The following SMC6 variants were observed in gnomAD, a reference collection of about 807,000 sequenced individuals.
SMC6 encodes the protein structural maintenance of chromosomes 6, also known as structural maintenance of chromosomes protein 6.
SMC6 carries 79 observed loss-of-function variants against 142.2 expected under a neutral mutation model. The ratio of observed to expected loss-of-function variants is 0.56; its 90% CI spans 0.46 to 0.67. The LOEUF (loss-of-function observed/expected upper bound fraction) is 0.67. SMC6 is among the 30% of genes least tolerant of loss of function. The pLI is 0.00. For missense variants in SMC6, 1,072 were observed against 1,284.0 expected, an observed-to-expected ratio of 0.83 and a Z score of 2.52; for synonymous variants, 411 against 412.4, an observed-to-expected ratio of 1.00 and a Z score of 0.04.
intron 23 of SMC6, among the ~76,000 whole-genome samples, chr2:17,689,802 G>T (rs1667621853): frequency 6.6e-6 from 1 of 152,164 alleles, no homozygotes; most frequent in African/African-American, 2.4e-5. Context: ...CAATGTAAAT[G>T]CTATGTAAAT....
rs1303046068 is a variant in SMC6 at position 17,716,229 on chromosome 2, T to C, written c.1382A>G (p.Tyr461Cys). The C allele has an allele frequency of 6.2e-7, 1 of 1,612,144 alleles. No individual in the cohort carries two copies. Among genetic ancestry groups the C allele is most frequent in the Non-Finnish European group, 8.5e-7 (1 of 1,179,444 alleles). ...CAATTCTTTCAGTTGCCTCTGATTG[T>C]AGCTCAGTGCATGCTTCACATCTAA... Reference protein sequence around the residue: ...EELDVKHALSYNQRQLKELKD... With the variant: ...EELDVKHALSCNQRQLKELKD... Residue 461 changes from tyrosine to cysteine, a missense_variant, in exon 15 of 28, where the codon TAC becomes TGC. Around this residue, in one of 3 missense-constraint regions of SMC6, gnomAD observed 994 missense variants for 1,153.2 expected, o/e 0.86. Coordinates refer to ENST00000448223, the MANE Select transcript of SMC6 (RefSeq NM_001142286.2).
At chr2:17,676,740 G>A (rs909992090) in intron 25 of SMC6, among the ~76,000 whole-genome samples, 1 of 152,044 alleles carries the variant, frequency 6.6e-6, no homozygotes, top group African/African-American at 2.4e-5. Context: ...TATTTTAGTA[G>A]TTTTCAGTGT....
In SMC6 at chr2:17,721,189, T is replaced by C. The variant is rs1669356705; in HGVS notation, c.799A>G (p.Met267Val). 3.1e-6 allele frequency: 5 copies of C among 1,612,390 alleles called. No individual in the cohort carries two copies. The highest frequency in any genetic ancestry group is 1.7e-5 in the Admixed American group (1 of 59,726). ...RFQSIAGLST[M>V]KTNLESLKHE... ...TTCAAGGACTCTAAATTAGTCTTCATTGTACTTAAACCAGCAATACTTTGA... is the reference window on the plus strand; with the variant it reads ...TTCAAGGACTCTAAATTAGTCTTCACTGTACTTAAACCAGCAATACTTTGA... Residue 267 changes from methionine to valine, a missense_variant, in exon 10 of 28, where the codon ATG (methionine) becomes GTG (valine). Physicochemically the swap from Met to Val is conservative, Grantham distance 21. Around this residue, in one of 3 missense-constraint regions of SMC6, gnomAD observed 994 missense variants for 1,153.2 expected, o/e 0.86. Transcript: ENST00000448223.
intron 18 of SMC6, among the ~76,000 whole-genome samples, chr2:17,705,191 G>A (rs1558348418): frequency 6.6e-6 from 1 of 152,116 alleles, no homozygotes; most frequent in East Asian, 1.9e-4. Context: ...CCAGGAGGTG[G>A]AGGTTGCAGT....
chr2:17,701,496 A>C (rs1437923726), intron 20 of SMC6, among the ~76,000 whole-genome samples: 1 of 152,236 alleles, frequency 6.6e-6, no homozygotes, highest in African/African-American at 2.4e-5. Context: ...GATACTGCTG[A>C]ACTCTGAGAG....
intron 24 of SMC6, chr2:17,679,460 C>T (rs1489570754): frequency 6.6e-6 from 1 of 152,216 alleles, no homozygotes; most frequent in Non-Finnish European, 1.5e-5. Context: ...ATGCCTTACA[C>T]TTTGCTTGGC....
intron 5 of SMC6, among the ~76,000 whole-genome samples, chr2:17,732,840 CT>C (rs1669976701): frequency 6.6e-6 from 1 of 151,882 alleles, no homozygotes; most frequent in African/African-American, 2.4e-5. Context: ...CCAATAGGCT[CT>C]GTTATAGTTT....
intron 23 of SMC6, among the ~76,000 whole-genome samples, chr2:17,688,709 A>G (rs998185415): frequency 4.6e-5 from 7 of 152,224 alleles, no homozygotes; most frequent in African/African-American, 1.7e-4. Context: ...GAAAAACCTA[A>G]TCCAAGTAAC....
Position 17,666,451 on chromosome 2 carries a change from G to C in SMC6, c.3130C>G (p.Gln1044Glu). 1 of 1,613,796 alleles carries C rather than the reference G, an allele frequency of 6.2e-7. No homozygotes were observed. The highest frequency in any genetic ancestry group is 8.5e-7 in the Non-Finnish European group (1 of 1,179,876). ...CTTTGAGGTGTGAGCAAGATAAACT[G>C]TCTAAAACGCTGGGAATCTGCCATC... is the stretch of plus-strand genomic sequence containing the variant. ...LKMADSQRFR[Q>E]FILLTPQSMS... The change falls in exon 27 of 28, where the codon CAG (glutamine) becomes GAG (glutamate). Residue 1044 changes from glutamine to glutamate, a missense_variant. By Grantham distance (29) the Gln-to-Glu change is conservative. This residue lies in a region of SMC6 where 76 missense variants were observed against 112.3 expected (regional missense o/e 0.68). Transcript: ENST00000448223.
At chr2:17,696,681 G>A (rs1174294013) in intron 21 of SMC6, among the ~76,000 whole-genome samples, 4 of 152,042 alleles carry the variant, frequency 2.6e-5, no homozygotes. Flanking sequence ...GTTTTTGGGG[G>A]AATCCACATT....
intron 23 of SMC6, among the ~76,000 whole-genome samples, chr2:17,692,224 C>T (rs926566079): frequency 9.9e-5 from 15 of 152,118 alleles, no homozygotes; most frequent in Non-Finnish European, 1.5e-4. Context: ...TCATATGGAA[C>T]CAAAAAAGAG....
chr2:17,691,350 CTGTGTGTG>C (rs146685442), intron 23 of SMC6, among the ~76,000 whole-genome samples: 69,442 of 139,640 alleles, frequency 0.5, 18,982 homozygotes, highest in African/African-American at 0.72. Flanking sequence ...GTGTGTGTGT[CTGTGTGTG>C]TGTGTGTGTA....
At position 17,745,826 on chromosome 2, in the gene SMC6, C is replaced by T. The variant is rs1205757956; in HGVS notation, c.120+1G>A. On this transcript the variant is annotated splice_donor_variant, in intron 3 of 27. Transcript: ENST00000448223. LOFTEE classifies it high-confidence loss of function. ...GCATAATTTTGTAATTTTTCGCTTA[C>T]CAAAGTAGTACCTTTACATTCGTCT... is the stretch of plus-strand genomic sequence containing the variant. 3.7e-6 allele frequency: 6 copies of T among 1,602,840 alleles called. No individual in the cohort carries two copies. The highest frequency in any genetic ancestry group is 5.1e-6 in the Non-Finnish European group (6 of 1,175,896).
At position 17,731,113 on chromosome 2, in the gene SMC6, CTT is replaced by C; in HGVS notation, c.506_507del (p.Glu169GlyfsTer7). ...AAATGATCAAGAATTGCAATCAGCTCTTCTTTCCTCGTGGAAACCACGGAGCC... is the reference window on the plus strand; with the variant it reads ...AAATGATCAAGAATTGCAATCAGCTCCTTTCCTCGTGGAAACCACGGAGCC... The part of the protein sequence containing the change: ...ATGSVVSTRK[E>X]ELIAILDHFN... On this transcript the variant is annotated frameshift_variant, in exon 7 of 28. Coordinates refer to ENST00000448223, the MANE Select transcript of SMC6 (RefSeq NM_001142286.2). LOFTEE classifies it high-confidence loss of function. The C allele has an allele frequency of 1.2e-6, 2 of 1,612,874 alleles. No homozygotes were observed. The highest frequency in any genetic ancestry group is 2.2e-5 in the South Asian group (2 of 90,922).
At position 17,700,386 on chromosome 2, in the gene SMC6, A is replaced by T. The variant is rs1391709857; in HGVS notation, c.2224-8T>A. ...TTCCTGAGCTTCATCTTCCTGATAA[A>T]ATTTAAACAGCATATAAGGTTAATT... On this transcript the variant is annotated splice_region_variant and splice_polypyrimidine_tract_variant and intron_variant, in intron 20 of 27. Coordinates refer to ENST00000448223, the MANE Select transcript of SMC6 (RefSeq NM_001142286.2). The T allele has an allele frequency of 5.0e-6, 8 of 1,587,750 alleles. No individual in the cohort carries two copies. The highest frequency in any genetic ancestry group is 6.0e-6 in the Non-Finnish European group (7 of 1,169,598).
chr2:17,745,803 A>G (rs762531097), intron 3 of SMC6, 24 bp downstream of exon 3: 29 of 1,580,222 alleles, frequency 1.8e-5, no homozygotes, highest in Non-Finnish European at 2.4e-5. Flanking sequence ...ATCAAAAAGC[A>G]TAATTTTGTA....
At chr2:17,682,195 A>T (rs1026666756) in intron 24 of SMC6, among the ~76,000 whole-genome samples, 12 of 152,270 alleles carry the variant, frequency 7.9e-5, no homozygotes, top group African/African-American at 2.9e-4. Flanking sequence ...CACTTCCACC[A>T]TATCTGCAGT....
rs1219947463 is a variant in SMC6, at chr2:17,708,868, TG to T, written c.1731-116del. 2.0e-5 allele frequency: 6 copies of T among 306,346 alleles called. No homozygotes were observed. In the East Asian group the frequency reaches 2.0e-4, roughly 10 times the overall value. 19.0% of individuals were successfully genotyped at this position (306,346 alleles called of 1,614,324 possible). ...TATATATTTCCATATATATTTGTAA[TG>T]GGGGAAATTATAAATAACAAGACAA... On this transcript the variant is annotated intron_variant, in intron 16 of 27. Transcript: ENST00000448223.
intron 12 of SMC6, 30 bp from the exon 13 acceptor site, chr2:17,717,206 A>G (rs1253150810): frequency 3.3e-6 from 5 of 1,535,142 alleles, no homozygotes; most frequent in Non-Finnish European, 1.8e-6. Context: ...ACACTTTACA[A>G]AAATGAAAAC....
Sources: allele counts gnomAD v4.1 joint callset (sites outside exome capture counted in the v4.1 genomes callset), GRCh38; gene constraint gnomAD v4.1.1; regional missense constraint gnomAD v4.1.1; transcripts MANE v1.5; gene names NCBI Gene and HGNC (gene_info 2026-07-23, HGNC 2026-07-21).